The following SERGEF variants were observed in gnomAD, a reference collection of about 807,000 sequenced individuals.
The protein encoded by SERGEF is secretion regulating guanine nucleotide exchange factor.
In SERGEF, 51 loss-of-function variants were observed where a neutral mutation model predicts 50.0. The observed-to-expected ratio is 1.02, with a 90% CI of 0.81 to 1.29. The LOEUF (loss-of-function observed/expected upper bound fraction) is 1.29, where lower values mean the gene tolerates loss of function less well. Ranked by LOEUF, SERGEF falls within the 50% of genes most tolerant of loss-of-function variation. SERGEF has a pLI of 0.00. For missense variants in SERGEF, 521 were observed against 557.0 expected (o/e 0.94, Z 0.65); for synonymous variants, 205 against 212.4 (o/e 0.97, Z 0.30).
At chr11:18,008,205 A>G in intron 1 of SERGEF, 129 bp from the exon 2 acceptor site, 2 of 941,036 alleles carry the variant, frequency 2.1e-6, no homozygotes, top group East Asian at 2.7e-5. Context: ...TATTAGGCTC[A>G]TTCTTTTTTA....
chr11:17,999,346 C>G (rs1187984802), intron 5 of SERGEF: 1 of 290,670 alleles, frequency 3.4e-6, no homozygotes. Flanking sequence ...TAGGGGAAAC[C>G]GGGAGAGAAC....
At chr11:17,831,126 T>C (rs1308347471) in intron 10 of SERGEF, among the ~76,000 whole-genome samples, 1 of 152,146 alleles carries the variant, frequency 6.6e-6, no homozygotes, top group African/African-American at 2.4e-5. Flanking sequence ...AAACTTTAGG[T>C]AAATAAAAAT....
chr11:17,924,636 T>C (rs1293513123), intron 9 of SERGEF, among the ~76,000 whole-genome samples: 3 of 132,684 alleles, frequency 2.3e-5, no homozygotes, highest in Non-Finnish European at 3.0e-5. Context: ...GAGACAAACA[T>C]AGAACAGTGG....
At chr11:17,846,776 T>A (rs1251184480) in intron 10 of SERGEF, 1 of 456,252 alleles carries the variant, frequency 2.2e-6, no homozygotes, top group East Asian at 6.9e-5. Flanking sequence ...AAAGATTAAA[T>A]GAGAGAATGC....
chr11:17,834,089 C>A (rs1272743033), intron 10 of SERGEF, among the ~76,000 whole-genome samples: 1 of 152,124 alleles, frequency 6.6e-6, no homozygotes, highest in African/African-American at 2.4e-5. Context: ...GTGTCCCCAT[C>A]CAAATCTCAT....
chr11:17,905,799 C>A (rs1851828759), intron 9 of SERGEF, among the ~76,000 whole-genome samples: 1 of 152,050 alleles, frequency 6.6e-6, no homozygotes, highest in Admixed American at 6.6e-5. Flanking sequence ...CCTTAGTCTG[C>A]CCATCTCTAA....
chr11:17,914,761 T>G (rs1348661986), intron 9 of SERGEF, among the ~76,000 whole-genome samples: 1 of 152,232 alleles, frequency 6.6e-6, no homozygotes, highest in Non-Finnish European at 1.5e-5. Context: ...TTCTAGCTTC[T>G]TTCATACATA....
At chr11:17,937,408 G>A (rs961709251) in intron 9 of SERGEF, among the ~76,000 whole-genome samples, 11 of 152,134 alleles carry the variant, frequency 7.2e-5, no homozygotes, top group Non-Finnish European at 1.2e-4. Flanking sequence ...GTGGTGGTGC[G>A]TGCCTATAGT....
chr11:17,803,758 G>A (rs908004028), intron 10 of SERGEF, among the ~76,000 whole-genome samples: 3 of 152,080 alleles, frequency 2.0e-5, no homozygotes, highest in African/African-American at 7.2e-5. Context: ...TGGGAAAACC[G>A]TCCAATACAG....
At chr11:17,906,368 G>A (rs969548303) in intron 9 of SERGEF, among the ~76,000 whole-genome samples, 1 of 152,234 alleles carries the variant, frequency 6.6e-6, no homozygotes, top group Non-Finnish European at 1.5e-5. Flanking sequence ...GTCTAAACCA[G>A]TCTCTGTCTT....
chr11:17,878,833 C>T (rs373084122), intron 9 of SERGEF, among the ~76,000 whole-genome samples: 2 of 152,214 alleles, frequency 1.3e-5, no homozygotes, highest in Non-Finnish European at 2.9e-5. Flanking sequence ...AGAATGTCCT[C>T]TCCTCTACTG....
At chr11:17,835,954 G>A (rs1192677102) in intron 10 of SERGEF, among the ~76,000 whole-genome samples, 2 of 152,246 alleles carry the variant, frequency 1.3e-5, no homozygotes, top group Non-Finnish European at 2.9e-5. Flanking sequence ...ATCCTAGGGT[G>A]TGAAAGGCCT....
chr11:18,002,997 T>C (rs1853996519), intron 4 of SERGEF, among the ~76,000 whole-genome samples: 1 of 152,252 alleles, frequency 6.6e-6, no homozygotes, highest in Admixed American at 6.5e-5. Flanking sequence ...TTATAACTTA[T>C]ATGTAGGTGC....
chr11:17,936,575 A>C (rs1852456833), intron 9 of SERGEF, among the ~76,000 whole-genome samples: 2 of 152,196 alleles, frequency 1.3e-5, no homozygotes, highest in South Asian at 4.1e-4. Context: ...CTAATAAAGA[A>C]GGCTGGCCCT....
intron 9 of SERGEF, among the ~76,000 whole-genome samples, chr11:17,885,839 C>T (rs1445603842): frequency 2.0e-5 from 3 of 152,110 alleles, no homozygotes; most frequent in African/African-American, 7.2e-5. Context: ...CCAACCAACT[C>T]TACAAGGCCT....
intron 9 of SERGEF, among the ~76,000 whole-genome samples, chr11:17,904,553 T>G (rs570911470): frequency 6.6e-6 from 1 of 152,362 alleles, no homozygotes; most frequent in South Asian, 2.1e-4. Context: ...TCAAACCATT[T>G]CTATGAACTG....
At chr11:18,010,119 T>A in intron 1 of SERGEF, 1 of 1,259,708 alleles carries the variant, frequency 7.9e-7, no homozygotes, top group Non-Finnish European at 1.0e-6. Flanking sequence ...ATCTTTTAAA[T>A]ATGTTTGTTT....
intron 10 of SERGEF, chr11:17,846,690 T>A (rs1380260323): frequency 2.2e-6 from 1 of 456,228 alleles, no homozygotes; most frequent in Non-Finnish European, 4.4e-6. Context: ...CTTGAGTATA[T>A]CTCTTAATTT....
intron 9 of SERGEF, among the ~76,000 whole-genome samples, chr11:17,920,064 G>A (rs1008172327): frequency 4.6e-5 from 7 of 151,534 alleles, no homozygotes; most frequent in Admixed American, 2.0e-4. Flanking sequence ...TGGCTAAAAC[G>A]GTGAAACCCT....
Sources: allele counts gnomAD v4.1 joint callset (sites outside exome capture counted in the v4.1 genomes callset), GRCh38; gene constraint gnomAD v4.1.1; transcripts MANE v1.5; gene names NCBI Gene and HGNC (gene_info 2026-07-23, HGNC 2026-07-21).